The following CCSER1 variants were observed in gnomAD, a reference collection of about 807,000 sequenced individuals.
CCSER1 encodes serine-rich coiled-coil domain-containing protein 1.
Under a neutral mutation model 82.0 loss-of-function variants are expected in CCSER1, and 41 were observed. The observed-to-expected ratio is 0.50, with a 90% confidence interval of 0.39 to 0.65. CCSER1 has a LOEUF of 0.65. Among genes scored for constraint, CCSER1 ranks in the 30% least tolerant of loss-of-function variants. CCSER1 has a pLI of 0.00. For missense variants in CCSER1, 1,119 were observed against 1,064.2 expected (o/e 1.05, Z -0.72); for synonymous variants, 414 against 383.9 (o/e 1.08, Z -0.92).
At chr4:91,494,086 A>G (rs1758689311) in intron 10 of CCSER1, among the ~76,000 whole-genome samples, 1 of 151,936 alleles carries the variant, frequency 6.6e-6, no homozygotes. Flanking sequence ...AGCACGTTAG[A>G]TAAGCAACAA....
At chr4:90,486,214 C>T (rs1038332726) in intron 5 of CCSER1, among the ~76,000 whole-genome samples, 5 of 152,202 alleles carry the variant, frequency 3.3e-5, no homozygotes, top group Admixed American at 6.5e-5. Context: ...TTCTTTTCCT[C>T]CTGGTTGCAT....
At chr4:90,527,104 T>A (rs1029609653) in intron 5 of CCSER1, among the ~76,000 whole-genome samples, 26 of 152,258 alleles carry the variant, frequency 1.7e-4, no homozygotes, top group African/African-American at 4.8e-4. Context: ...AAATGGGATC[T>A]AATTAAACTA....
chr4:91,285,346 TAGAG>T (rs1207719772), intron 10 of CCSER1, among the ~76,000 whole-genome samples: 4 of 151,424 alleles, frequency 2.6e-5, no homozygotes, highest in Non-Finnish European at 5.9e-5. Flanking sequence ...GTTATGGAGA[TAGAG>T]AAGATATTTT....
At chr4:91,571,975 G>A (rs748374055) in intron 10 of CCSER1, among the ~76,000 whole-genome samples, 2 of 152,086 alleles carry the variant, frequency 1.3e-5, no homozygotes, top group Non-Finnish European at 1.5e-5. Flanking sequence ...TCATTAGTTC[G>A]AGGGTGGCAA....
At chr4:91,348,784 C>A (rs1748247973) in intron 10 of CCSER1, among the ~76,000 whole-genome samples, 1 of 152,126 alleles carries the variant, frequency 6.6e-6, no homozygotes, top group Non-Finnish European at 1.5e-5. Flanking sequence ...TCCAGTGGTT[C>A]AGTAATGATA....
At chr4:90,325,128 G>A (rs1197803380) in intron 3 of CCSER1, among the ~76,000 whole-genome samples, 1 of 152,102 alleles carries the variant, frequency 6.6e-6, no homozygotes, top group African/African-American at 2.4e-5. Context: ...TCTTATGAAT[G>A]TGCTTTCTTG....
intron 10 of CCSER1, among the ~76,000 whole-genome samples, chr4:91,328,392 G>A (rs1746713853): frequency 6.6e-6 from 1 of 152,158 alleles, no homozygotes; most frequent in African/African-American, 2.4e-5. Flanking sequence ...GGAGGAAGTA[G>A]TACACATTTT....
chr4:91,181,773 T>C (rs1407925883), intron 10 of CCSER1, among the ~76,000 whole-genome samples: 2 of 152,220 alleles, frequency 1.3e-5, no homozygotes, highest in Non-Finnish European at 2.9e-5. Context: ...TTTTTCTAAC[T>C]GGGTCCAAGC....
chr4:91,164,275 T>C (rs1731779627), intron 10 of CCSER1, among the ~76,000 whole-genome samples: 1 of 152,256 alleles, frequency 6.6e-6, no homozygotes, highest in Non-Finnish European at 1.5e-5. Flanking sequence ...TTTTCTGGCT[T>C]GCAGGGTTTC....
At chr4:90,406,129 G>A (rs930076393) in intron 4 of CCSER1, among the ~76,000 whole-genome samples, 3 of 151,948 alleles carry the variant, frequency 2.0e-5, no homozygotes, top group Non-Finnish European at 2.9e-5. Flanking sequence ...CACCTAACAC[G>A]TAAGAATTCA....
At chr4:90,872,134 T>C (rs1274611147) in intron 8 of CCSER1, among the ~76,000 whole-genome samples, 1 of 151,922 alleles carries the variant, frequency 6.6e-6, no homozygotes, top group East Asian at 1.9e-4. Flanking sequence ...ACTTTATGTC[T>C]TTTGATTGGA....
intron 10 of CCSER1, among the ~76,000 whole-genome samples, chr4:91,593,908 T>A (rs915178590): frequency 1.3e-5 from 2 of 152,182 alleles, no homozygotes; most frequent in African/African-American, 4.8e-5. Flanking sequence ...ATTAGTATTT[T>A]CTTGCATTTG....
At chr4:91,552,475 T>C (rs1453744036) in intron 10 of CCSER1, among the ~76,000 whole-genome samples, 2 of 151,608 alleles carry the variant, frequency 1.3e-5, no homozygotes, top group Admixed American at 6.6e-5. Flanking sequence ...AGAGTCATAA[T>C]TTGGGTTGAT....
intron 3 of CCSER1, among the ~76,000 whole-genome samples, chr4:90,371,546 GA>G (rs139341621): frequency 6.6e-6 from 1 of 150,742 alleles, no homozygotes; most frequent in Non-Finnish European, 1.5e-5. Flanking sequence ...ATAAGCCAAA[GA>G]AAAAAAACAG....
chr4:91,442,189 G>C (rs947930644), intron 10 of CCSER1, among the ~76,000 whole-genome samples: 2 of 150,972 alleles, frequency 1.3e-5, no homozygotes, highest in African/African-American at 4.9e-5. Context: ...AAAGAACAAA[G>C]CTGGAGGCAT....
At chr4:90,443,196 T>C (rs897213086) in intron 4 of CCSER1, among the ~76,000 whole-genome samples, 1 of 152,172 alleles carries the variant, frequency 6.6e-6, no homozygotes, top group Non-Finnish European at 1.5e-5. Context: ...CATATGATTT[T>C]TTTTGTTTCC....
At chr4:91,422,858 T>C (rs895357367) in intron 10 of CCSER1, among the ~76,000 whole-genome samples, 1 of 152,128 alleles carries the variant, frequency 6.6e-6, no homozygotes, top group Non-Finnish European at 1.5e-5. Flanking sequence ...GCAGCTGGTG[T>C]TAGCAATGGG....
intron 5 of CCSER1, among the ~76,000 whole-genome samples, chr4:90,603,810 A>G (rs920264693): frequency 6.6e-6 from 1 of 152,132 alleles, no homozygotes; most frequent in Non-Finnish European, 1.5e-5. Flanking sequence ...AAGGGAGGAG[A>G]AAAACCCTGT....
At position 90,536,072 on chromosome 4, in the gene CCSER1, G is replaced by A. The variant is rs368669556; in HGVS notation, c.1724+67718G>A. ...TTTTGAGACGGAGTCTTGCTTTGTC[G>A]CCCAGGCTGGAGTGCAGTGGTGAGA... On this transcript the variant is annotated intron_variant, in intron 5 of 10. Transcript: ENST00000509176. Among the ~76,000 whole-genome samples the A allele has an allele frequency of 1.4e-4, 17 of 125,030 alleles. No homozygotes were observed. In the East Asian group the frequency reaches 2.2e-3, roughly 16 times the overall value. 82.0% of individuals were successfully genotyped at this position (125,030 alleles called of 152,430 possible). A position where few individuals can be genotyped will look rare whatever the true frequency, so the allele number is the denominator to read the frequency against.
Sources: allele counts gnomAD v4.1 joint callset (sites outside exome capture counted in the v4.1 genomes callset), GRCh38; gene constraint gnomAD v4.1.1; transcripts MANE v1.5; gene names NCBI Gene and HGNC (gene_info 2026-07-23, HGNC 2026-07-21).